Variants in MOGAT1 observed in about 807,000 individuals in gnomAD.
MOGAT1 encodes the protein monoacylglycerol O-acyltransferase 1.
A neutral mutation model predicts 31.4 loss-of-function variants in MOGAT1; 32 were observed. That is an observed-to-expected ratio of 1.02 (90% CI 0.77 to 1.37). The LOEUF is 1.37. Ranked by LOEUF, MOGAT1 falls within the 40% of genes most tolerant of loss-of-function variation. The pLI is 0.00. For missense variants in MOGAT1, 426 were observed against 402.0 expected (o/e 1.06, Z -0.51); for synonymous variants, 145 against 144.5 (o/e 1.00, Z -0.03).
intron 1 of MOGAT1, among the ~76,000 whole-genome samples, chr2:222,684,411 A>G (rs768974578): frequency 6.6e-6 from 1 of 152,188 alleles, no homozygotes; most frequent in Non-Finnish European, 1.5e-5. Context: ...GTCTCAAAAA[A>G]AAAAAGAAAG....
chr2:222,688,096 T>C (rs1343802173), intron 1 of MOGAT1, among the ~76,000 whole-genome samples: 1 of 152,192 alleles, frequency 6.6e-6, no homozygotes, highest in Non-Finnish European at 1.5e-5. Context: ...GTGGCTACTT[T>C]ATTGGTATGT....
rs1251397855 is a variant in MOGAT1, at chr2:222,703,032, G to A, written c.854-6704G>A. ...CTAGCCTCTTAGGGTCACTGGCTGG[G>A]CCTGAGAATGAAGTTGACATCAACC... is the stretch of plus-strand genomic sequence containing the variant. On this transcript the variant is annotated intron_variant, in intron 5 of 5. Transcript: ENST00000446656. 2.0e-5 allele frequency among the ~76,000 whole-genome samples: 3 copies of A among 152,158 alleles called. No individual in the cohort carries two copies. In the East Asian group the frequency reaches 5.8e-4, roughly 29 times the overall value.
At chr2:222,703,910 T>C (rs1014219883) in intron 5 of MOGAT1, among the ~76,000 whole-genome samples, 1 of 100,066 alleles carries the variant, frequency 1.0e-5, no homozygotes, top group Non-Finnish European at 2.2e-5. Context: ...CTTTTCCAGC[T>C]GTGTATACCA....
At chr2:222,681,621 A>G (rs1692582611) in intron 1 of MOGAT1, among the ~76,000 whole-genome samples, 1 of 152,030 alleles carries the variant, frequency 6.6e-6, no homozygotes, top group Non-Finnish European at 1.5e-5. Flanking sequence ...TCACTAACTC[A>G]ATTTCCAGCC....
In MOGAT1 at chr2:222,689,474, G is replaced by A. The variant is rs1559230882; in HGVS notation, c.478+5G>A. 1.2e-6 allele frequency: 2 copies of A among 1,613,272 alleles called. No homozygotes were observed. The highest frequency in any genetic ancestry group is 1.7e-6 in the Non-Finnish European group (2 of 1,179,200). ...GAGAATATGTGATGAGTGTTGGTAAGTGATGGCAGATCACTGTTTCCACAG... is the reference window on the plus strand; with the variant it reads ...GAGAATATGTGATGAGTGTTGGTAAATGATGGCAGATCACTGTTTCCACAG... On this transcript the variant is annotated splice_donor_5th_base_variant and intron_variant, in intron 3 of 5. Coordinates refer to ENST00000446656, the MANE Select transcript of MOGAT1 (RefSeq NM_058165.3).
chr2:222,683,160 T>C lies in MOGAT1; in HGVS notation c.95-5184T>C, dbSNP rs890724752. On this transcript the variant is annotated intron_variant, in intron 1 of 5. Coordinates refer to ENST00000446656, the MANE Select transcript of MOGAT1 (RefSeq NM_058165.3). ...TCGAGGCTGCAGTGAGCCATGTTTA[T>C]GCCATGGCACTCCAGCCTGAGTGAC... Among the ~76,000 whole-genome samples the C allele has an allele frequency of 4.0e-5, 6 of 149,940 alleles. 1 individual carries two copies. Among genetic ancestry groups the C allele is most frequent in the Admixed American group, 4.0e-4 (6 of 15,012 alleles).
chr2:222,694,317 T>C lies in MOGAT1; in HGVS notation c.479-45T>C, dbSNP rs1467217836. On this transcript the variant is annotated intron_variant, in intron 3 of 5. Transcript: ENST00000446656. The stretch of plus-strand genomic sequence containing the variant: ...AATATTATGATAAAACATTGTAATA[T>C]TGTTAGAAAAGGATAACTAGTTACT... 5.4e-6 allele frequency: 8 copies of C among 1,479,136 alleles called. No individual in the cohort carries two copies. The Admixed American group carries it at 1.3e-4, about 24-fold the overall frequency. 91.6% of individuals were successfully genotyped at this position (1,479,136 alleles called of 1,614,324 possible).
At chr2:222,683,577 A>T (rs946362914) in intron 1 of MOGAT1, among the ~76,000 whole-genome samples, 2 of 152,094 alleles carry the variant, frequency 1.3e-5, no homozygotes, top group African/African-American at 4.8e-5. Context: ...AAAATACAAA[A>T]ATTAGCCAGC....
At chr2:222,705,289 G>T (rs1692988970) in intron 5 of MOGAT1, among the ~76,000 whole-genome samples, 1 of 152,088 alleles carries the variant, frequency 6.6e-6, no homozygotes, top group Admixed American at 6.5e-5. Context: ...TGTATCTTGT[G>T]CCAACCTCCT....
chr2:222,688,320 A>G (rs2106036619), intron 1 of MOGAT1, 24 bp from the exon 2 acceptor site: 1 of 1,583,706 alleles, frequency 6.3e-7, no homozygotes, highest in Non-Finnish European at 8.6e-7. Context: ...GACTGATTCC[A>G]TGAGACTTTT....
intron 1 of MOGAT1, among the ~76,000 whole-genome samples, chr2:222,687,364 G>A (rs916253509): frequency 1.3e-5 from 2 of 152,140 alleles, no homozygotes; most frequent in East Asian, 1.9e-4. Context: ...TGTTATAGAA[G>A]AGAAAGCAGC....
intron 1 of MOGAT1, 48 bp from the exon 2 acceptor site, chr2:222,688,296 A>G (rs1692706541): frequency 2.0e-6 from 3 of 1,496,994 alleles, no homozygotes; most frequent in Non-Finnish European, 2.7e-6. Flanking sequence ...CACTGCAGTG[A>G]GCAGATACTA....
chr2:222,691,777 A>G (rs1323026403), intron 3 of MOGAT1, among the ~76,000 whole-genome samples: 1 of 152,192 alleles, frequency 6.6e-6, no homozygotes, highest in African/African-American at 2.4e-5. Context: ...GTAGTAAGGA[A>G]CCATAGGGCT....
At chr2:222,690,845 A>G (rs748458829) in intron 3 of MOGAT1, among the ~76,000 whole-genome samples, 14 of 152,360 alleles carry the variant, frequency 9.2e-5, no homozygotes, top group South Asian at 2.1e-4. Context: ...TTGGGGGGGA[A>G]TTACTTCTCT....
chr2:222,708,245 G>T lies in MOGAT1; in HGVS notation c.854-1491G>T, dbSNP rs538663330. On this transcript the variant is annotated intron_variant, in intron 5 of 5. Transcript: ENST00000446656. Reference sequence around the variant, plus strand: ...ATTACAGGTGCCCGCCACCACGTCCGGCTAATTTTTGTATTTTTAGTAGAG... The same window carrying T: ...ATTACAGGTGCCCGCCACCACGTCCTGCTAATTTTTGTATTTTTAGTAGAG... Among the ~76,000 whole-genome samples, 77 of 152,172 alleles carry T rather than the reference G, an allele frequency of 5.1e-4. 1 individual carries two copies. The South Asian group carries it at 0.016, about 32-fold the overall frequency.
chr2:222,703,232 A>G (rs1186671598), intron 5 of MOGAT1, among the ~76,000 whole-genome samples: 2 of 152,208 alleles, frequency 1.3e-5, no homozygotes, highest in Non-Finnish European at 2.9e-5. Context: ...TTATTTTAAT[A>G]AGGTCTGAAC....
chr2:222,694,531 C>T lies in MOGAT1; in HGVS notation c.648C>T (p.Thr216=), dbSNP rs1692812668. ...QRKGFVKIAL[T]HGASLVPVVS... Reference sequence around the variant, plus strand: ...AAGGATTTGTTAAAATTGCTTTGACCCATGGGTAAGTGGCTTTTTGTATAA... The same window carrying T: ...AAGGATTTGTTAAAATTGCTTTGACTCATGGGTAAGTGGCTTTTTGTATAA... Residue 216 remains threonine (T), a synonymous_variant, in exon 4 of 6, where the codon ACC becomes ACT. Coordinates refer to ENST00000446656, the MANE Select transcript of MOGAT1 (RefSeq NM_058165.3). 1 of 1,612,804 alleles carries T rather than the reference C, an allele frequency of 6.2e-7. No individual in the cohort carries two copies. Among genetic ancestry groups the T allele is most frequent in the Non-Finnish European group, 8.5e-7 (1 of 1,179,504 alleles).
chr2:222,677,740 A>G, intron 1 of MOGAT1: 1 of 383,682 alleles, frequency 2.6e-6, no homozygotes, highest in Non-Finnish European at 5.2e-6. Context: ...TGAAGAAGGA[A>G]GTTACTGCTC....
At position 222,682,466 on chromosome 2, in the gene MOGAT1, C is replaced by T. The variant is rs188245450; in HGVS notation, c.95-5878C>T. ...CCCAAGCCAGTTATCTTGTAGAGTG[C>T]CCCCCAACCTGGACTTGACTAAGGT... On this transcript the variant is annotated intron_variant, in intron 1 of 5. Coordinates refer to ENST00000446656, the MANE Select transcript of MOGAT1 (RefSeq NM_058165.3). Among the ~76,000 whole-genome samples the T allele has an allele frequency of 1.1e-4, 16 of 152,242 alleles. 1 individual carries two copies. Among genetic ancestry groups the T allele is most frequent in the Non-Finnish European group, 2.1e-4 (14 of 68,020 alleles).
Sources: allele counts gnomAD v4.1 joint callset (sites outside exome capture counted in the v4.1 genomes callset), GRCh38; gene constraint gnomAD v4.1.1; transcripts MANE v1.5; gene names NCBI Gene and HGNC (gene_info 2026-07-23, HGNC 2026-07-21).